Variants in NRXN3 observed in about 807,000 individuals in gnomAD.
NRXN3 encodes the protein neurexin III.
Under a neutral mutation model 137.6 loss-of-function variants are expected in NRXN3, and 32 were observed. The ratio of observed to expected loss-of-function variants is 0.23; its 90% CI spans 0.18 to 0.31. NRXN3 has a LOEUF of 0.31. Among genes scored for constraint, NRXN3 ranks in the 10% least tolerant of loss-of-function variants. The pLI, the probability that NRXN3 is intolerant of heterozygous loss-of-function variation, is 1.00. For missense variants in NRXN3, 1,574 were observed against 2,062.5 expected (o/e 0.76, Z 4.59); for synonymous variants, 798 against 784.5 (o/e 1.02, Z -0.29).
intron 3 of NRXN3, among the ~76,000 whole-genome samples, chr14:78,297,459 C>T (rs191401905): frequency 6.6e-5 from 10 of 152,152 alleles, no homozygotes; most frequent in East Asian, 1.9e-4. Context: ...CTTTACCTGG[C>T]GTCTTAAGTC....
At chr14:78,633,251 C>CAAAAAAAAAAAAAAAAAAAAAAAA (rs779442429) in intron 4 of NRXN3, among the ~76,000 whole-genome samples, 1 of 68,078 alleles carries the variant, frequency 1.5e-5, no homozygotes, top group African/African-American at 7.1e-5. Context: ...GAGACTCTGT[C>CAAAAAAAAAAAAAAAAAAAAAAAA]AAAAAAAAAA....
intron 15 of NRXN3, among the ~76,000 whole-genome samples, chr14:79,155,477 A>G (rs1596554736): frequency 6.6e-6 from 1 of 151,922 alleles, no homozygotes; most frequent in Non-Finnish European, 1.5e-5. Context: ...TTCACTCATC[A>G]CTTGCACTGT....
chr14:78,976,686 A>G (rs31430), intron 14 of NRXN3, among the ~76,000 whole-genome samples: 1 of 152,142 alleles, frequency 6.6e-6, no homozygotes, highest in Admixed American at 6.5e-5. Flanking sequence ...AATAAGAGAG[A>G]CATAAATTGC....
rs780100392 is a variant in NRXN3, at chr14:79,865,554, G to C, written c.*3590G>C. The C allele has an allele frequency of 3.3e-5, 5 of 152,056 alleles. No individual in the cohort carries two copies. Among genetic ancestry groups the C allele is most frequent in the African/African-American group, 7.2e-5 (3 of 41,390 alleles). 9.4% of individuals were successfully genotyped at this position (152,056 alleles called of 1,614,324 possible). ...TTATACTATCGACTATGTTAGGAAT[G>C]GGGGGGAGAAAGTCAGGTTCAGTGA... On this transcript the variant is annotated 3_prime_UTR_variant, in exon 21 of 21. Coordinates refer to ENST00000335750, the MANE Select transcript of NRXN3 (RefSeq NM_001330195.2).
chr14:79,571,442 C>T (rs2153797877), intron 16 of NRXN3, among the ~76,000 whole-genome samples: 1 of 152,240 alleles, frequency 6.6e-6, no homozygotes, highest in Non-Finnish European at 1.5e-5. Context: ...ACCTTGCTAA[C>T]ATATGACTAA....
chr14:79,750,406 T>C (rs1192763472), intron 19 of NRXN3, among the ~76,000 whole-genome samples: 1 of 152,206 alleles, frequency 6.6e-6, no homozygotes, highest in Non-Finnish European at 1.5e-5. Context: ...CAATGTAGAC[T>C]CTGTTATGGA....
chr14:78,311,119 GAA>G (rs2077931925), intron 4 of NRXN3, among the ~76,000 whole-genome samples: 1 of 152,112 alleles, frequency 6.6e-6, no homozygotes, highest in Admixed American at 6.6e-5. Context: ...CAATGCAGGT[GAA>G]AGTGCTGTGC....
chr14:78,354,577 A>G (rs988205168), intron 4 of NRXN3, among the ~76,000 whole-genome samples: 10 of 152,132 alleles, frequency 6.6e-5, no homozygotes, highest in African/African-American at 1.9e-4. Context: ...CATTGGGACA[A>G]TTTTCTAAAG....
chr14:79,054,178 G>A, intron 15 of NRXN3, among the ~76,000 whole-genome samples: 1 of 105,780 alleles, frequency 9.5e-6, no homozygotes. Flanking sequence ...GGGGAGGGGA[G>A]AGGGATAGCA....
At chr14:78,900,194 C>T (rs954216847) in intron 10 of NRXN3, among the ~76,000 whole-genome samples, 4 of 151,638 alleles carry the variant, frequency 2.6e-5, no homozygotes, top group Non-Finnish European at 4.4e-5. Context: ...ACACCCCAAA[C>T]AGTGGGTTCT....
intron 19 of NRXN3, among the ~76,000 whole-genome samples, chr14:79,804,359 C>T (rs2099194936): frequency 6.6e-6 from 1 of 152,166 alleles, no homozygotes; most frequent in Non-Finnish European, 1.5e-5. Context: ...ACTCAGTCTC[C>T]TATATTTCTT....
intron 4 of NRXN3, among the ~76,000 whole-genome samples, chr14:78,346,580 A>G (rs1435818672): frequency 1.3e-5 from 2 of 152,160 alleles, no homozygotes; most frequent in Non-Finnish European, 2.9e-5. Flanking sequence ...TCACACAGAG[A>G]ACACAATACA....
chr14:79,492,131 A>G (rs1190165067), intron 16 of NRXN3, among the ~76,000 whole-genome samples: 2 of 152,194 alleles, frequency 1.3e-5, no homozygotes, highest in African/African-American at 4.8e-5. Flanking sequence ...CTCAGAATGA[A>G]TATCCAGATT....
At chr14:78,608,737 G>T (rs1048775330) in intron 4 of NRXN3, among the ~76,000 whole-genome samples, 2 of 152,146 alleles carry the variant, frequency 1.3e-5, no homozygotes, top group African/African-American at 4.8e-5. Context: ...AGCCTAGCCT[G>T]GGTCGCTCCC....
chr14:79,554,293 A>G (rs1436017413), intron 16 of NRXN3, among the ~76,000 whole-genome samples: 1 of 152,152 alleles, frequency 6.6e-6, no homozygotes, highest in East Asian at 1.9e-4. Flanking sequence ...ATTCACAAGG[A>G]AGACTCGTAA....
rs147874710 is a variant in NRXN3 at position 78,453,801 on chromosome 14, A to G, written c.757+155941A>G. Among the ~76,000 whole-genome samples, 106 of 152,322 alleles carry G rather than the reference A, an allele frequency of 7.0e-4. No homozygotes were observed. The East Asian group carries it at 0.015, about 22-fold the overall frequency. On this transcript the variant is annotated intron_variant, in intron 4 of 20. Transcript: ENST00000335750. The stretch of plus-strand genomic sequence containing the variant: ...TACACAGGGAGAATGCCATGTGAAC[A>G]TGAAGGCAGAGATCCAAGTGATACA...
At chr14:79,762,441 A>T (rs1386499186) in intron 19 of NRXN3, among the ~76,000 whole-genome samples, 1 of 151,294 alleles carries the variant, frequency 6.6e-6, no homozygotes, top group East Asian at 1.9e-4. Flanking sequence ...GTATGACCCA[A>T]AGCTTTCAGA....
chr14:78,850,146 CAGAG>C (rs917438478), intron 10 of NRXN3, among the ~76,000 whole-genome samples: 2 of 150,480 alleles, frequency 1.3e-5, no homozygotes, highest in African/African-American at 4.9e-5. Flanking sequence ...GAGAGAGAGA[CAGAG>C]AGAGAGAGAG....
At chr14:78,855,795 T>C (rs989044571) in intron 10 of NRXN3, among the ~76,000 whole-genome samples, 1 of 152,202 alleles carries the variant, frequency 6.6e-6, no homozygotes, top group African/African-American at 2.4e-5. Flanking sequence ...TACAGATTTT[T>C]CTTATTAGGC....
Sources: allele counts gnomAD v4.1 joint callset (sites outside exome capture counted in the v4.1 genomes callset), GRCh38; gene constraint gnomAD v4.1.1; transcripts MANE v1.5; gene names NCBI Gene and HGNC (gene_info 2026-07-23, HGNC 2026-07-21).